Variants in ARMCX4 observed in about 807,000 individuals in gnomAD.
ARMCX4 encodes the protein armadillo repeat-containing X-linked protein 4.
Under a neutral mutation model 34.7 loss-of-function variants are expected in ARMCX4, and 3 were observed. That is an observed-to-expected ratio of 0.09 (90% CI 0.04 to 0.22). The LOEUF is 0.22. Ranked by LOEUF, ARMCX4 falls within the 10% of genes least tolerant of loss-of-function variation. The pLI is 1.00. For missense variants in ARMCX4, 1,448 were observed against 1,720.8 expected (o/e 0.84, Z 2.81); for synonymous variants, 513 against 632.8 (o/e 0.81, Z 2.84).
chrX:101,452,016 G>T (rs1932015201), downstream of ARMCX4, among the ~76,000 whole-genome samples: 1 of 111,982 alleles, frequency 8.9e-6, no homozygotes, highest in South Asian at 3.8e-4. Flanking sequence ...TCTTTCTATG[G>T]AAGCCTTAAT....
intron 2 of ARMCX4, among the ~76,000 whole-genome samples, chrX:101,486,367 T>TTA (rs1933715947): frequency 9.0e-6 from 1 of 111,106 alleles, no homozygotes; most frequent in Non-Finnish European, 1.9e-5. Flanking sequence ...ATTATTATTT[T>TTA]TTAGATAGCC....
chrX:101,511,568 G>A (rs782555041), intron 11 of ARMCX4, among the ~76,000 whole-genome samples: 1 of 110,963 alleles, frequency 9.0e-6, no homozygotes, highest in South Asian at 3.8e-4. Context: ...TTAAGAATGA[G>A]CCCCTCCATA....
intron 4 of ARMCX4, among the ~76,000 whole-genome samples, chrX:101,470,152 C>T (rs1294267512): frequency 8.9e-6 from 1 of 112,401 alleles, no homozygotes; most frequent in East Asian, 2.8e-4. Context: ...AATTTTGGGG[C>T]TTGCCTGCCC....
intron 11 of ARMCX4, among the ~76,000 whole-genome samples, chrX:101,530,274 A>T (rs1451934720): frequency 9.0e-6 from 1 of 111,481 alleles, no homozygotes; most frequent in Admixed American, 9.6e-5. Context: ...CATAGGTGGG[A>T]ATTGAACAAT....
chrX:101,533,493 C>T (rs1275283978), downstream of ARMCX4: 1 of 111,354 alleles, frequency 9.0e-6, no homozygotes, highest in African/African-American at 3.3e-5. Context: ...AGGACTCTGA[C>T]TGAGGTGCTG....
intron 4 of ARMCX4, among the ~76,000 whole-genome samples, chrX:101,462,328 A>G (rs1365369808): frequency 9.0e-6 from 1 of 111,043 alleles, no homozygotes; most frequent in Non-Finnish European, 1.9e-5. Context: ...GAAATTTTGT[A>G]ATCAGGAACA....
At position 101,492,885 on chromosome X, in the gene ARMCX4, A is replaced by C. The variant is rs782597777; in HGVS notation, c.4296A>C (p.Gln1432His). 3.5e-6 allele frequency: 4 copies of C among 1,150,030 alleles called. No individual in the cohort carries two copies. The highest frequency in any genetic ancestry group is 3.4e-6 in the Non-Finnish European group (3 of 871,034). 94.8% of individuals were successfully genotyped at this position (1,150,030 alleles called of 1,213,427 possible). The change falls in exon 6 of 6, where the codon CAA becomes CAC. Residue 1432 changes from glutamine (Q) to histidine (H), a missense_variant. Gln to His is a conservative substitution (Grantham distance 24). This residue lies in a region of ARMCX4 where 1,343 missense variants were observed against 1,540.7 expected (regional missense o/e 0.87). Transcript: ENST00000423738. ...SGRSWANSGD[Q>H]ISGGFLVGIV... ...GGTCATGGGCTAACTCTGGGGACCA[A>C]ATCAGTGGAGGATTCTTAGTTGGGA...
chrX:101,504,192 T>G (rs1934384048), intron 7 of ARMCX4, among the ~76,000 whole-genome samples: 1 of 111,713 alleles, frequency 9.0e-6, no homozygotes, highest in African/African-American at 3.3e-5. Flanking sequence ...TACTGTAGCC[T>G]TGTAGTATAG....
At chrX:101,432,537 T>G (rs1309223170) in intron 2 of ARMCX4, among the ~76,000 whole-genome samples, 1 of 109,627 alleles carries the variant, frequency 9.1e-6, no homozygotes, top group Admixed American at 9.9e-5. Context: ...AGTGCTCGCC[T>G]GTAGTCCTAG....
chrX:101,439,147 T>C (rs1301600144), intron 2 of ARMCX4, among the ~76,000 whole-genome samples: 1 of 111,797 alleles, frequency 8.9e-6, no homozygotes, highest in Non-Finnish European at 1.9e-5. Context: ...CCTTCAGGAG[T>C]TCTTTTAGGG....
intron 2 of ARMCX4, among the ~76,000 whole-genome samples, chrX:101,421,772 G>A (rs1334760856): frequency 9.1e-6 from 1 of 110,377 alleles, no homozygotes; most frequent in Non-Finnish European, 1.9e-5. Flanking sequence ...CCACCTGTGA[G>A]GGTAGAGCCC....
rs190563763 is a variant in ARMCX4 at position 101,440,768 on chromosome X, C to T, written n.165-3284C>T. 1.4e-3 allele frequency among the ~76,000 whole-genome samples: 153 copies of T among 111,267 alleles called. 2 individuals carry two copies. Among genetic ancestry groups the T allele is most frequent in the African/African-American group, 4.8e-3 (148 of 30,628 alleles). ...GAGGCTCCGTGGGTGTAGGACCCTCCGAGCCAGGTGCGGGATATAATCTCC... is the reference window on the plus strand; with the variant it reads ...GAGGCTCCGTGGGTGTAGGACCCTCTGAGCCAGGTGCGGGATATAATCTCC... On this transcript the variant is annotated intron_variant and non_coding_transcript_variant, in intron 2 of 3. Transcript: ENST00000430461.
chrX:101,467,987 AT>A (rs1932823150), intron 4 of ARMCX4, among the ~76,000 whole-genome samples: 1 of 112,271 alleles, frequency 8.9e-6, no homozygotes, highest in Non-Finnish European at 1.9e-5. Context: ...TTTATAATTA[AT>A]TTGAGGAAGA....
At chrX:101,474,994 A>G (rs1403045853) in intron 4 of ARMCX4, among the ~76,000 whole-genome samples, 1 of 108,618 alleles carries the variant, frequency 9.2e-6, no homozygotes, top group Admixed American at 1.0e-4. Flanking sequence ...AAAAAAAAAA[A>G]AAAAAGAAAA....
At chrX:101,451,241 C>T (rs1182418438), downstream of ARMCX4, among the ~76,000 whole-genome samples, 1 of 111,581 alleles carries the variant, frequency 9.0e-6, no homozygotes, top group Non-Finnish European at 1.9e-5. Flanking sequence ...CAAGTTCTGA[C>T]CACTGGGATG....
intron 7 of ARMCX4, among the ~76,000 whole-genome samples, chrX:101,502,571 C>T: frequency 9.0e-6 from 1 of 110,541 alleles, no homozygotes; most frequent in Non-Finnish European, 1.9e-5. Flanking sequence ...GGATCAAGCA[C>T]AAGCAGGACT....
rs1293405597 is a variant in ARMCX4 at position 101,490,471 on chromosome X, G to T, written c.1882G>T (p.Ala628Ser). The T allele has an allele frequency of 3.5e-6, 4 of 1,153,601 alleles. No individual in the cohort carries two copies. The highest frequency in any genetic ancestry group is 3.6e-5 in the African/African-American group (2 of 55,514). ...VGAGEGTTDS[A>S]QPEAVVSFQG... The stretch of plus-strand genomic sequence containing the variant: ...GGCTGGAGAAGGTACAACAGACTCT[G>T]CCCAGCCTGAGGCAGTGGTCAGTTT... The change falls in exon 6 of 6, where the codon GCC becomes TCC. Residue 628 changes from alanine (A) to serine (S), a missense_variant. Ala to Ser is a moderately conservative substitution (Grantham distance 99). Around this residue, in one of 2 missense-constraint regions of ARMCX4, gnomAD observed 1,343 missense variants for 1,540.7 expected, o/e 0.87. Coordinates refer to ENST00000423738, the MANE Select transcript of ARMCX4 (RefSeq NM_001256155.3).
intron 2 of ARMCX4, among the ~76,000 whole-genome samples, chrX:101,427,439 G>C (rs1414653229): frequency 9.1e-6 from 1 of 109,946 alleles, no homozygotes; most frequent in Non-Finnish European, 1.9e-5. Flanking sequence ...GTGCAATGGT[G>C]CAATCTTGGC....
Position 101,491,527 on chromosome X carries a change from G to A in ARMCX4, c.2938G>A (p.Ala980Thr), listed in dbSNP as rs1933979237. 5.2e-6 allele frequency: 6 copies of A among 1,155,262 alleles called. No individual in the cohort carries two copies. In the African/African-American group the frequency reaches 7.1e-5, roughly 14 times the overall value. Residue 980 changes from alanine to threonine, a missense_variant, in exon 6 of 6, where the codon GCT becomes ACT. Around this residue, in one of 2 missense-constraint regions of ARMCX4, gnomAD observed 1,343 missense variants for 1,540.7 expected, o/e 0.87. Coordinates refer to ENST00000423738, the MANE Select transcript of ARMCX4 (RefSeq NM_001256155.3). ...TTCCAATGCTGTGCCTAAGGCAGAG[G>A]CTGGGGCAGATACAGTGGGCTCTGC... ...GNSNAVPKAE[A>T]GADTVGSAQP...
Sources: allele counts gnomAD v4.1 joint callset (sites outside exome capture counted in the v4.1 genomes callset), GRCh38; gene constraint gnomAD v4.1.1; regional missense constraint gnomAD v4.1.1; transcripts MANE v1.5; gene names NCBI Gene and HGNC (gene_info 2026-07-23, HGNC 2026-07-21).